Variants in EPB41L2 observed in about 807,000 individuals in gnomAD.
The protein encoded by EPB41L2 is erythrocyte membrane protein band 4.1 like 2.
In EPB41L2, 43 loss-of-function variants were observed where a neutral mutation model predicts 113.0. That is an observed-to-expected ratio of 0.38 (90% CI 0.30 to 0.49). EPB41L2 has a LOEUF of 0.49. EPB41L2 is among the 20% of genes least tolerant of loss of function. The pLI, the probability that EPB41L2 is intolerant of heterozygous loss-of-function variation, is 0.95. For missense variants in EPB41L2, 1,147 were observed against 1,223.4 expected, an observed-to-expected ratio of 0.94 and a Z score of 0.93; for synonymous variants, 442 against 436.7, an observed-to-expected ratio of 1.01 and a Z score of -0.15.
chr6:131,018,142 G>C (rs114337832), intron 1 of EPB41L2, among the ~76,000 whole-genome samples: 1,620 of 152,258 alleles, frequency 0.011, 38 homozygotes, highest in African/African-American at 0.036. Context: ...CATGGCTGTT[G>C]TACACAGTCA....
intron 1 of EPB41L2, among the ~76,000 whole-genome samples, chr6:131,041,156 A>G (rs1479465741): frequency 1.3e-5 from 2 of 152,226 alleles, no homozygotes; most frequent in Admixed American, 1.3e-4. Flanking sequence ...AAAATATTAG[A>G]GAACTACTGT....
At position 130,956,481 on chromosome 6, in the gene EPB41L2, G is replaced by A. The variant is rs371805309; in HGVS notation, c.5C>T (p.Thr2Ile). The A allele has an allele frequency of 1.2e-6, 2 of 1,611,196 alleles. No homozygotes were observed. The highest frequency in any genetic ancestry group is 1.7e-6 in the Non-Finnish European group (2 of 1,178,962). ...TTCAGACACAGAGCCTACTTCAGTA[G>A]TCATGGCCACAGCTTATGCTGTAAT... M[T>I]TEVGSVSEVK... The change falls in exon 2 of 20, where the codon ACT becomes ATT. Residue 2 changes from threonine (T) to isoleucine (I), a missense_variant. Thr to Ile is a moderately conservative substitution (Grantham distance 89). Transcript: ENST00000337057.
intron 1 of EPB41L2, among the ~76,000 whole-genome samples, chr6:131,058,105 G>A (rs928679559): frequency 4.6e-5 from 7 of 152,158 alleles, no homozygotes; most frequent in Admixed American, 3.3e-4. Context: ...AAGGTAGAGT[G>A]AAAATATGCA....
intron 1 of EPB41L2, among the ~76,000 whole-genome samples, chr6:131,028,368 A>C (rs1791332418): frequency 6.6e-6 from 1 of 152,190 alleles, no homozygotes; most frequent in South Asian, 2.1e-4. Flanking sequence ...GTCATCCCTT[A>C]GTGCAACAAT....
chr6:130,889,372 T>C (rs1050436121), intron 11 of EPB41L2, among the ~76,000 whole-genome samples: 1 of 152,164 alleles, frequency 6.6e-6, no homozygotes, highest in Admixed American at 6.5e-5. Context: ...TATATATTTT[T>C]CCATGTGTAG....
chr6:131,021,504 A>G (rs1339619490), intron 1 of EPB41L2, among the ~76,000 whole-genome samples: 1 of 152,068 alleles, frequency 6.6e-6, no homozygotes, highest in Non-Finnish European at 1.5e-5. Flanking sequence ...ATGGCAATAA[A>G]CAAAAAATTA....
intron 1 of EPB41L2, among the ~76,000 whole-genome samples, chr6:131,037,061 TC>T (rs745718022): frequency 2.5e-4 from 38 of 152,250 alleles, no homozygotes; most frequent in Non-Finnish European, 4.4e-4. Flanking sequence ...GATTAGCACT[TC>T]AGAAATTTCT....
At position 130,895,050 on chromosome 6, in the gene EPB41L2, G is replaced by T. The variant is rs1794199334; in HGVS notation, c.1306C>A (p.Arg436=). 2 of 1,613,704 alleles carry T rather than the reference G, an allele frequency of 1.2e-6. No homozygotes were observed. Among genetic ancestry groups the T allele is most frequent in the African/African-American group, 1.3e-5 (1 of 74,854 alleles). ...NGLLIYKDRL[R]INRFAWPKIL... is the part of the protein sequence containing the mutation. The stretch of plus-strand genomic sequence containing the variant: ...TTCGGCCAAGCAAAACGATTGATTC[G>T]CAGTCTGTCTTTGTAAATGAGAAGT... The change falls in exon 9 of 20, where the codon CGA becomes AGA. Residue 436 remains arginine (R), a synonymous_variant. Coordinates refer to ENST00000337057, the MANE Select transcript of EPB41L2 (RefSeq NM_001431.4).
intron 1 of EPB41L2, among the ~76,000 whole-genome samples, chr6:130,987,959 T>A (rs1245464408): frequency 6.6e-6 from 1 of 151,322 alleles, no homozygotes; most frequent in Non-Finnish European, 1.5e-5. Flanking sequence ...ACAAAAAAAA[T>A]TAAAAATTAG....
chr6:131,047,086 G>A (rs1354612433), intron 1 of EPB41L2, among the ~76,000 whole-genome samples: 2 of 152,260 alleles, frequency 1.3e-5, no homozygotes, highest in South Asian at 2.1e-4. Context: ...ACTTCAAACT[G>A]CAGTGCCTCA....
chr6:130,952,359 G>T (rs1815444235), intron 3 of EPB41L2, among the ~76,000 whole-genome samples: 2 of 149,284 alleles, frequency 1.3e-5, no homozygotes, highest in African/African-American at 2.4e-5. Context: ...GTTCACTAAA[G>T]AACTATTTCT....
chr6:131,052,513 C>G (rs569619999), intron 1 of EPB41L2, among the ~76,000 whole-genome samples: 85 of 152,264 alleles, frequency 5.6e-4, no homozygotes, highest in Non-Finnish European at 1.1e-3. Context: ...TTCACAGTTT[C>G]TAACATAGTT....
At chr6:130,884,470 G>C (rs1317876090) in intron 12 of EPB41L2, among the ~76,000 whole-genome samples, 1 of 152,194 alleles carries the variant, frequency 6.6e-6, no homozygotes, top group Non-Finnish European at 1.5e-5. Flanking sequence ...GAGATCTGAA[G>C]AATTCAAAGG....
chr6:131,039,495 G>A, intron 1 of EPB41L2, among the ~76,000 whole-genome samples: 1 of 152,196 alleles, frequency 6.6e-6, no homozygotes, highest in African/African-American at 2.4e-5. Context: ...AGAGGCCTTA[G>A]AGATCATCTA....
intron 8 of EPB41L2, 83 bp from the exon 9 acceptor site, chr6:130,895,202 T>C: frequency 7.0e-7 from 1 of 1,433,288 alleles, no homozygotes; most frequent in Non-Finnish European, 9.4e-7. Context: ...CCTCAAATCA[T>C]GATCAGGAAT....
At chr6:130,959,727 C>T (rs1818702128) in intron 1 of EPB41L2, among the ~76,000 whole-genome samples, 2 of 152,132 alleles carry the variant, frequency 1.3e-5, no homozygotes, top group South Asian at 4.1e-4. Context: ...ATATTATTTA[C>T]TTTAATCATG....
intron 18 of EPB41L2, among the ~76,000 whole-genome samples, chr6:130,859,747 C>T (rs1296086572): frequency 1.5e-5 from 2 of 130,526 alleles, no homozygotes; most frequent in Admixed American, 1.5e-4. Flanking sequence ...AAAGGTAAAG[C>T]TACCAAAAAA....
rs538843900 is a variant in EPB41L2, at chr6:130,973,037, G to A, written c.-14-16538C>T. Among the ~76,000 whole-genome samples the A allele has an allele frequency of 1.5e-4, 22 of 151,538 alleles. No individual in the cohort carries two copies. The East Asian group carries it at 2.7e-3, about 19-fold the overall frequency. Reference sequence around the variant, plus strand: ...TGAGGCAGAAGAATCGCTTGAACCCGGGAGGCGGAGGTTGCAGTGAGCCGA... The same window carrying A: ...TGAGGCAGAAGAATCGCTTGAACCCAGGAGGCGGAGGTTGCAGTGAGCCGA... On this transcript the variant is annotated intron_variant, in intron 1 of 19. Coordinates refer to ENST00000337057, the MANE Select transcript of EPB41L2 (RefSeq NM_001431.4).
intron 1 of EPB41L2, among the ~76,000 whole-genome samples, chr6:130,975,027 A>G (rs965729291): frequency 2.6e-5 from 4 of 152,148 alleles, no homozygotes. Flanking sequence ...GTGAACCCAG[A>G]GAGGTGAAAT....
Sources: allele counts gnomAD v4.1 joint callset (sites outside exome capture counted in the v4.1 genomes callset), GRCh38; gene constraint gnomAD v4.1.1; transcripts MANE v1.5; gene names NCBI Gene and HGNC (gene_info 2026-07-23, HGNC 2026-07-21).